Variants in VWA3B observed in about 807,000 individuals in gnomAD.
VWA3B encodes the protein von Willebrand factor A domain-containing protein 3B.
In VWA3B, 138 loss-of-function variants were observed where a neutral mutation model predicts 158.3. The observed-to-expected ratio is 0.87, with a 90% CI of 0.76 to 1.00. The LOEUF is 1.00. Ranked by LOEUF, VWA3B falls within the 50% of genes least tolerant of loss-of-function variation. The pLI, the probability that VWA3B is intolerant of heterozygous loss-of-function variation, is 0.00. For missense variants in VWA3B, 1,555 were observed against 1,565.1 expected (o/e 0.99, Z 0.11); for synonymous variants, 596 against 587.3 (o/e 1.01, Z -0.21).
At chr2:98,104,510 A>T (rs1258519476) in intron 2 of VWA3B, among the ~76,000 whole-genome samples, 1 of 152,206 alleles carries the variant, frequency 6.6e-6, no homozygotes, top group Non-Finnish European at 1.5e-5. Flanking sequence ...TCACCAAGCC[A>T]TTCATGAGGG....
chr2:98,175,561 CAG>C (rs1033096491), intron 8 of VWA3B, among the ~76,000 whole-genome samples: 11 of 152,142 alleles, frequency 7.2e-5, no homozygotes, highest in Admixed American at 5.2e-4. Flanking sequence ...AAAAACCAAA[CAG>C]AGTCTTAGAG....
In VWA3B at chr2:98,212,035, A is replaced by G; in HGVS notation, c.1836+7A>G. 2 of 1,613,152 alleles carry G rather than the reference A, an allele frequency of 1.2e-6. No individual in the cohort carries two copies. The highest frequency in any genetic ancestry group is 1.7e-6 in the Non-Finnish European group (2 of 1,179,248). On this transcript the variant is annotated splice_region_variant and intron_variant, in intron 13 of 27. Coordinates refer to ENST00000477737, the MANE Select transcript of VWA3B (RefSeq NM_144992.5). ...CGATGGGAGACCTGATCAGGTACTT[A>G]CCAGAGCTGGGAACAAAGAGGGCCT... is the stretch of plus-strand genomic sequence containing the variant.
At chr2:98,206,653 G>C in intron 12 of VWA3B, 1 of 358,898 alleles carries the variant, frequency 2.8e-6, no homozygotes, top group East Asian at 6.4e-5. Context: ...TTTATGTTGA[G>C]GCTCCTGAGT....
chr2:98,140,481 G>A (rs985846882), intron 7 of VWA3B, among the ~76,000 whole-genome samples: 4 of 152,168 alleles, frequency 2.6e-5, no homozygotes, highest in Non-Finnish European at 4.4e-5. Context: ...AGCATTGGCT[G>A]GATCCCTGCC....
At chr2:98,147,831 C>T (rs1265906260) in intron 7 of VWA3B, among the ~76,000 whole-genome samples, 1 of 151,884 alleles carries the variant, frequency 6.6e-6, no homozygotes, top group African/African-American at 2.4e-5. Context: ...GGTATATCTC[C>T]TAATGCTATC....
chr2:98,142,901 A>C (rs1177714242), intron 7 of VWA3B, among the ~76,000 whole-genome samples: 2 of 152,194 alleles, frequency 1.3e-5, no homozygotes, highest in African/African-American at 4.8e-5. Flanking sequence ...GCGAGTCCAA[A>C]TTGAGACGTG....
chr2:98,286,349 A>G (rs1689166452), intron 22 of VWA3B, among the ~76,000 whole-genome samples: 1 of 152,164 alleles, frequency 6.6e-6, no homozygotes. Context: ...TTCTGATCTT[A>G]AGGGTAAGTC....
intron 10 of VWA3B, chr2:98,192,340 A>G (rs1209020505): frequency 1.3e-5 from 2 of 155,772 alleles, no homozygotes; most frequent in African/African-American, 4.8e-5. Context: ...AAAGGGAGAT[A>G]AGGTTGGGGG....
chr2:98,143,111 C>T (rs1030256661), intron 7 of VWA3B, among the ~76,000 whole-genome samples: 2 of 152,156 alleles, frequency 1.3e-5, no homozygotes, highest in African/African-American at 2.4e-5. Context: ...ATGATCTTGG[C>T]TCACTGCAAC....
At chr2:98,208,706 T>C (rs922104296) in intron 12 of VWA3B, among the ~76,000 whole-genome samples, 1 of 152,242 alleles carries the variant, frequency 6.6e-6, no homozygotes, top group Non-Finnish European at 1.5e-5. Context: ...TTGTCTGAAG[T>C]ATTTCCTTTG....
intron 19 of VWA3B, 182 bp downstream of exon 19, chr2:98,236,912 ATGCC>A: frequency 1.3e-6 from 1 of 779,462 alleles, no homozygotes; most frequent in Non-Finnish European, 1.9e-6. Flanking sequence ...GCGGTGGCGC[ATGCC>A]TGTAACCCCA....
rs1558699539 is a variant in VWA3B at position 98,228,192 on chromosome 2, A to AT, written c.2020-6dup. The AT allele has an allele frequency of 6.2e-7, 1 of 1,607,406 alleles. No individual in the cohort carries two copies. Among genetic ancestry groups the AT allele is most frequent in the South Asian group, 1.1e-5 (1 of 89,664 alleles). ...TAGTCTTATAGCATATTCACTTCTCATTTTGGCAGAATGAAGATCTGACTC... is the reference window on the plus strand; with the variant it reads ...TAGTCTTATAGCATATTCACTTCTCATTTTTGGCAGAATGAAGATCTGACTC... On this transcript the variant is annotated splice_polypyrimidine_tract_variant and intron_variant, in intron 14 of 27. Transcript: ENST00000477737.
the VWA3B span, among the ~76,000 whole-genome samples, chr2:98,328,221 CA>C: frequency 1.3e-5 from 2 of 151,566 alleles, no homozygotes; most frequent in Admixed American, 1.3e-4. Context: ...TAAATATCCA[CA>C]AAAAAAATCT....
chr2:98,187,654 G>A (rs532152712), intron 9 of VWA3B, among the ~76,000 whole-genome samples: 3 of 125,034 alleles, frequency 2.4e-5, no homozygotes, highest in African/African-American at 3.3e-5. Flanking sequence ...CTCCCTCTCC[G>A]TCTCTGTGTC....
chr2:98,193,790 G>A (rs968340732), intron 11 of VWA3B, among the ~76,000 whole-genome samples: 27 of 151,996 alleles, frequency 1.8e-4, no homozygotes, highest in African/African-American at 3.1e-4. Context: ...GGGTTTCACC[G>A]TGTTAGCCAA....
chr2:98,304,470 C>T (rs1045303870), intron 26 of VWA3B, among the ~76,000 whole-genome samples: 4 of 152,138 alleles, frequency 2.6e-5, no homozygotes, highest in Admixed American at 6.5e-5. Context: ...GAAACATCTT[C>T]CAGTTTCTGT....
In VWA3B at chr2:98,248,895, T is replaced by C. The variant is rs1171818065; in HGVS notation, c.2674-1423T>C. Among the ~76,000 whole-genome samples, 3 of 135,716 alleles carry C rather than the reference T, an allele frequency of 2.2e-5. No homozygotes were observed. In the South Asian group the frequency reaches 6.7e-4, roughly 30 times the overall value. The allele number at this position is 135,716 out of a possible 152,430, so 89.0% of individuals were successfully genotyped here. A position where few individuals can be genotyped will look rare whatever the true frequency, so the allele number is the denominator to read the frequency against. On this transcript the variant is annotated intron_variant, in intron 19 of 27. Coordinates refer to ENST00000477737, the MANE Select transcript of VWA3B (RefSeq NM_144992.5). ...TCTTTCTTTCTTTCTCTCTTTCCTT[T>C]CTTTCTTCTTTCTTTCTCTCCTTCC... is the stretch of plus-strand genomic sequence containing the variant.
At chr2:98,131,748 C>A (rs1675887192) in intron 6 of VWA3B, among the ~76,000 whole-genome samples, 1 of 152,134 alleles carries the variant, frequency 6.6e-6, no homozygotes, top group Non-Finnish European at 1.5e-5. Flanking sequence ...GCTCATTCCA[C>A]GTCATAGAGA....
the VWA3B span, among the ~76,000 whole-genome samples, chr2:98,320,394 G>A: frequency 6.6e-6 from 1 of 152,204 alleles, no homozygotes; most frequent in African/African-American, 2.4e-5. Context: ...CCAGGAGTGG[G>A]GTGCTGCTGT....
Sources: gnomAD v4.1 joint callset for allele counts (sites outside exome capture counted in the v4.1 genomes callset) on GRCh38, gnomAD v4.1.1 for gene constraint, MANE v1.5 for transcripts, NCBI Gene and HGNC (gene_info 2026-07-23, HGNC 2026-07-21) for gene names.